Variants in DIAPH2 observed in about 807,000 individuals in gnomAD.
DIAPH2 encodes diaphanous related formin 2, also known as protein diaphanous homolog 2.
In DIAPH2, 35 loss-of-function variants were observed where a neutral mutation model predicts 92.7. The observed-to-expected ratio is 0.38, with a 90% CI of 0.29 to 0.50. The LOEUF is 0.50. DIAPH2 is among the 20% of genes least tolerant of loss of function. The pLI is 0.94. For synonymous variants in DIAPH2, 301 were observed against 280.4 expected, an observed-to-expected ratio of 1.07 and a Z score of -0.73; for missense variants, 701 against 819.5, an observed-to-expected ratio of 0.86 and a Z score of 1.77.
rs781285252 is a variant in DIAPH2, at chrX:97,604,756, A to G, written c.*5439A>G. On this transcript the variant is annotated 3_prime_UTR_variant, in exon 27 of 27. Coordinates refer to ENST00000324765, the MANE Select transcript of DIAPH2 (RefSeq NM_006729.5). ...AGGGTTCTTTACAAGCTTATTTTAC[A>G]TACCGTGAATCCCTCACCTAAAGGG... The G allele has an allele frequency of 1.8e-5, 2 of 111,987 alleles. No individual in the cohort carries two copies. Among genetic ancestry groups the G allele is most frequent in the Non-Finnish European group, 3.8e-5 (2 of 53,170 alleles). The allele number at this position is 111,987 out of a possible 1,213,427, so 9.2% of individuals were successfully genotyped here. A position where few individuals can be genotyped will look rare whatever the true frequency, so the allele number is the denominator to read the frequency against.
intron 22 of DIAPH2, among the ~76,000 whole-genome samples, chrX:97,213,594 C>T (rs1008732620): frequency 2.7e-5 from 3 of 111,918 alleles, no homozygotes; most frequent in Non-Finnish European, 3.8e-5. Context: ...TACTGGTTTG[C>T]ATCTCTTAGC....
At chrX:97,533,513 G>A (rs1266622857) in intron 26 of DIAPH2, 3 of 110,806 alleles carry the variant, frequency 2.7e-5, no homozygotes, top group Non-Finnish European at 5.7e-5. Flanking sequence ...TTCAGGTTAT[G>A]TACTTCTGTC....
chrX:97,263,553 A>G (rs2147573526), intron 23 of DIAPH2, among the ~76,000 whole-genome samples: 1 of 95,418 alleles, frequency 1.0e-5, no homozygotes, highest in East Asian at 3.1e-4. Context: ...GGATGTTCCA[A>G]CTGTTATTTA....
At chrX:97,321,700 C>T (rs1260743054) in intron 23 of DIAPH2, among the ~76,000 whole-genome samples, 1 of 109,361 alleles carries the variant, frequency 9.1e-6, no homozygotes. Flanking sequence ...CAGGCGCCCA[C>T]CACCAAGCCC....
intron 17 of DIAPH2, among the ~76,000 whole-genome samples, chrX:97,008,420 G>A (rs1316148859): frequency 9.0e-6 from 1 of 111,083 alleles, no homozygotes; most frequent in Non-Finnish European, 1.9e-5. Flanking sequence ...TTTGGTCCCC[G>A]ATGCCTTAAT....
chrX:96,786,640 T>C (rs2064458848), intron 4 of DIAPH2, among the ~76,000 whole-genome samples: 1 of 111,367 alleles, frequency 9.0e-6, no homozygotes, highest in Non-Finnish European at 1.9e-5. Context: ...CTAGAGAAGA[T>C]AAATGAGAGA....
chrX:97,579,352 G>C (rs1361128013), intron 26 of DIAPH2, among the ~76,000 whole-genome samples: 1 of 110,085 alleles, frequency 9.1e-6, no homozygotes, highest in East Asian at 2.9e-4. Context: ...TTTTGTATAA[G>C]GTGTAAGGAA....
At chrX:96,957,701 A>G in intron 15 of DIAPH2, 127 bp from the exon 16 acceptor site, 1 of 532,108 alleles carries the variant, frequency 1.9e-6, no homozygotes, top group Non-Finnish European at 3.0e-6. Context: ...TTTTAGTAAT[A>G]TCTAAAAAAG....
chrX:96,877,185 A>G (rs997296382), intron 4 of DIAPH2, among the ~76,000 whole-genome samples: 25 of 111,161 alleles, frequency 2.2e-4, no homozygotes, highest in African/African-American at 7.8e-4. Context: ...TTCCTCCTTG[A>G]ACTCAAGGAA....
intron 25 of DIAPH2, among the ~76,000 whole-genome samples, chrX:97,412,937 C>G (rs1396574537): frequency 9.0e-6 from 1 of 111,509 alleles, no homozygotes; most frequent in Non-Finnish European, 1.9e-5. Flanking sequence ...AGAAAAAGTC[C>G]AGGACCAGAC....
At chrX:97,259,391 G>A (rs1263811552) in intron 23 of DIAPH2, among the ~76,000 whole-genome samples, 2 of 111,885 alleles carry the variant, frequency 1.8e-5, no homozygotes, top group Non-Finnish European at 3.8e-5. Flanking sequence ...GAAGTAGTGA[G>A]AGCTGTTACT....
chrX:96,961,716 T>A (rs774815405), intron 16 of DIAPH2, among the ~76,000 whole-genome samples: 1 of 110,422 alleles, frequency 9.1e-6, no homozygotes, highest in Admixed American at 9.7e-5. Context: ...TGATATATTG[T>A]TTTTTTAATT....
intron 5 of DIAPH2, among the ~76,000 whole-genome samples, chrX:96,887,402 A>C (rs1325363158): frequency 9.0e-6 from 1 of 111,182 alleles, no homozygotes; most frequent in Non-Finnish European, 1.9e-5. Flanking sequence ...ATAAGATACA[A>C]ATCCTGGGGA....
intron 17 of DIAPH2, among the ~76,000 whole-genome samples, chrX:96,982,936 C>T (rs1005920988): frequency 1.8e-5 from 2 of 111,288 alleles, no homozygotes; most frequent in African/African-American, 6.5e-5. Context: ...GGGACACAAG[C>T]GATTTTTAAA....
At chrX:96,850,195 A>G (rs1402225217) in intron 4 of DIAPH2, among the ~76,000 whole-genome samples, 1 of 111,740 alleles carries the variant, frequency 8.9e-6, no homozygotes, top group African/African-American at 3.3e-5. Flanking sequence ...TGTAACACAC[A>G]TGGTATGTTT....
intron 17 of DIAPH2, among the ~76,000 whole-genome samples, chrX:96,980,376 C>T (rs758725159): frequency 9.0e-6 from 1 of 111,042 alleles, no homozygotes; most frequent in African/African-American, 3.3e-5. Flanking sequence ...TCAAGCCGTC[C>T]CTCTGAAGTC....
chrX:97,193,012 C>CTTTTCTTTTTTTTTTTTTTTTTTTTT (rs1256888466), intron 22 of DIAPH2, among the ~76,000 whole-genome samples: 3 of 86,587 alleles, frequency 3.5e-5, no homozygotes, highest in African/African-American at 1.0e-4. Context: ...TTTTTCTTTT[C>CTTTTCTTTTTTTTTTTTTTTTTTTTT]TTTTTTTTTT....
At chrX:97,007,601 G>C (rs1180802680) in intron 17 of DIAPH2, among the ~76,000 whole-genome samples, 1 of 109,392 alleles carries the variant, frequency 9.1e-6, no homozygotes, top group African/African-American at 3.3e-5. Flanking sequence ...TTCTTTATCT[G>C]TTACTTTTGG....
intron 17 of DIAPH2, among the ~76,000 whole-genome samples, chrX:97,023,946 A>T (rs982730471): frequency 1.8e-5 from 2 of 112,331 alleles, no homozygotes; most frequent in Non-Finnish European, 3.8e-5. Context: ...AAATCAGATT[A>T]CATTTGGAAT....
Sources: gnomAD v4.1 joint callset for allele counts (sites outside exome capture counted in the v4.1 genomes callset) on GRCh38, gnomAD v4.1.1 for gene constraint, MANE v1.5 for transcripts, NCBI Gene and HGNC (gene_info 2026-07-23, HGNC 2026-07-21) for gene names.